COBLL1: variants seen among roughly 807,000 people sequenced by gnomAD.
The protein encoded by COBLL1 is cordon-bleu protein-like 1.
COBLL1 carries 50 observed loss-of-function variants against 94.8 expected under a neutral mutation model. The ratio of observed to expected loss-of-function variants is 0.53; its 90% confidence interval spans 0.42 to 0.67. The LOEUF (loss-of-function observed/expected upper bound fraction) is 0.67. Among genes scored for constraint, COBLL1 ranks in the 30% least tolerant of loss-of-function variants. The probability of loss-of-function intolerance (pLI) is 0.00; values close to 1 mark genes in which losing one functional copy is unlikely to be tolerated. For missense variants in COBLL1, 1,362 were observed against 1,348.7 expected (o/e 1.01, Z -0.15); for synonymous variants, 448 against 473.8 (o/e 0.95, Z 0.71).
chr2:164,715,764 T>C (rs1685131437), intron 7 of COBLL1, among the ~76,000 whole-genome samples: 2 of 151,524 alleles, frequency 1.3e-5, no homozygotes, highest in South Asian at 2.1e-4. Context: ...TTCTCAATAG[T>C]TGAGTGTTTG....
chr2:164,664,805 A>T (rs1167422010), intron 2 of COBLL1, among the ~76,000 whole-genome samples: 1 of 152,234 alleles, frequency 6.6e-6, no homozygotes, highest in Non-Finnish European at 1.5e-5. Flanking sequence ...TCTTAGTGAC[A>T]CAAAACCATG....
At chr2:164,840,601 C>T (rs1683545492) in intron 2 of COBLL1, 1 of 152,274 alleles carries the variant, frequency 6.6e-6, no homozygotes, top group Admixed American at 6.6e-5. Context: ...GGTTTTGGAA[C>T]CAGCAATTGG....
intron 2 of COBLL1, among the ~76,000 whole-genome samples, chr2:164,756,196 G>GT (rs2105601829): frequency 6.6e-6 from 1 of 152,200 alleles, no homozygotes; most frequent in Admixed American, 6.5e-5. Context: ...CACTTGCCAA[G>GT]TAACTTTTCC....
At chr2:164,714,870 A>G (rs1214243751) in intron 7 of COBLL1, among the ~76,000 whole-genome samples, 3 of 152,218 alleles carry the variant, frequency 2.0e-5, no homozygotes, top group Non-Finnish European at 2.9e-5. Flanking sequence ...TTAGAGAGGT[A>G]CGACTTTTTA....
intron 2 of COBLL1, among the ~76,000 whole-genome samples, chr2:164,665,516 A>T (rs1168049260): frequency 6.6e-6 from 1 of 152,080 alleles, no homozygotes; most frequent in Admixed American, 6.6e-5. Flanking sequence ...TTACTTCAAA[A>T]AGATTGAAAA....
intron 2 of COBLL1, among the ~76,000 whole-genome samples, chr2:164,818,669 A>ATATGTAAACATATATAGTGTATATGTACT (rs1684995299): frequency 1.4e-5 from 2 of 147,424 alleles, no homozygotes; most frequent in African/African-American, 2.6e-5. Flanking sequence ...GTATATGTAC[A>ATATGTAAACATATATAGTGTATATGTACT]TATGTAAACA....
chr2:164,693,562 G>A (rs1261623068), intron 12 of COBLL1, among the ~76,000 whole-genome samples: 1 of 152,018 alleles, frequency 6.6e-6, no homozygotes, highest in East Asian at 1.9e-4. Flanking sequence ...TCTATTATCT[G>A]AAGCTAGCAA....
At position 164,809,003 on chromosome 2, in the gene COBLL1, C is replaced by T. The variant is rs76750083; in HGVS notation, c.41+32153G>A. 8.4e-3 allele frequency among the ~76,000 whole-genome samples: 1,280 copies of T among 152,204 alleles called. 16 individuals are homozygous for T. The highest frequency in any genetic ancestry group is 0.029 in the African/African-American group (1,223 of 41,552). On this transcript the variant is annotated intron_variant, in intron 2 of 13. Coordinates refer to ENST00000652658, the MANE Select transcript of COBLL1 (RefSeq NM_001365672.2). The stretch of plus-strand genomic sequence containing the variant: ...ACGTTGGAAAGCAGCACTAGAGCAA[C>T]ACTTGGAATTCATTAATCACCAGAC...
chr2:164,687,448 A>G, intron 13 of COBLL1: 2 of 1,317,884 alleles, frequency 1.5e-6, no homozygotes, highest in Non-Finnish European at 2.2e-6. Flanking sequence ...GCAGCCAGAG[A>G]ACTTGAACTT....
At chr2:164,784,915 T>G (rs995295539) in intron 2 of COBLL1, among the ~76,000 whole-genome samples, 10 of 152,162 alleles carry the variant, frequency 6.6e-5, no homozygotes, top group African/African-American at 2.2e-4. Context: ...ACATAATTTC[T>G]AATGTGACCG....
intron 2 of COBLL1, among the ~76,000 whole-genome samples, chr2:164,820,519 C>G (rs1407026126): frequency 6.6e-6 from 1 of 152,166 alleles, no homozygotes; most frequent in African/African-American, 2.4e-5. Flanking sequence ...CCGCGCCAGG[C>G]CTGCTGTTAA....
chr2:164,831,527 C>A (rs937467251), intron 2 of COBLL1, among the ~76,000 whole-genome samples: 1 of 151,102 alleles, frequency 6.6e-6, no homozygotes, highest in African/African-American at 2.4e-5. Context: ...TCCTGAAGCA[C>A]AGAAAAAATA....
intron 2 of COBLL1, among the ~76,000 whole-genome samples, chr2:164,802,615 T>C (rs1339661333): frequency 6.6e-6 from 1 of 152,212 alleles, no homozygotes; most frequent in Non-Finnish European, 1.5e-5. Context: ...TTGGGTGATC[T>C]GATAAAGTTA....
intron 11 of COBLL1, 86 bp downstream of exon 11, chr2:164,699,319 T>C: frequency 1.2e-6 from 1 of 837,134 alleles, no homozygotes; most frequent in South Asian, 1.4e-5. Flanking sequence ...GGAGATTAAA[T>C]GAGTTAATAC....
At chr2:164,708,570 C>T (rs929087242) in intron 7 of COBLL1, among the ~76,000 whole-genome samples, 3 of 152,076 alleles carry the variant, frequency 2.0e-5, no homozygotes, top group African/African-American at 7.2e-5. Context: ...ATTTAGGAAA[C>T]ATCAGAAAAA....
chr2:164,723,681 ACTC>A (rs1441346747), intron 5 of COBLL1: 1 of 151,772 alleles, frequency 6.6e-6, no homozygotes, highest in Non-Finnish European at 1.5e-5. Context: ...AAAAAAAAAA[ACTC>A]TTTTTTCACC....
intron 2 of COBLL1, among the ~76,000 whole-genome samples, chr2:164,818,733 A>G (rs559745285): frequency 6.7e-6 from 1 of 148,904 alleles, no homozygotes; most frequent in South Asian, 2.1e-4. Context: ...ATATGTACTT[A>G]TGTAAACATA....
intron 2 of COBLL1, chr2:164,800,567 AAAAAG>A (rs1302878567): frequency 1.6e-5 from 11 of 702,046 alleles, no homozygotes; most frequent in African/African-American, 3.5e-5. Context: ...AGGCAGCATA[AAAAAG>A]AAATCAAAAT....
chr2:164,714,741 C>A (rs1165297103), intron 7 of COBLL1, among the ~76,000 whole-genome samples: 2 of 152,158 alleles, frequency 1.3e-5, no homozygotes, highest in African/African-American at 4.8e-5. Context: ...AAATGCAAAT[C>A]TTCCCATGAG....
Sources: gnomAD v4.1 joint callset for allele counts (sites outside exome capture counted in the v4.1 genomes callset) on GRCh38, gnomAD v4.1.1 for gene constraint, MANE v1.5 for transcripts, NCBI Gene and HGNC (gene_info 2026-07-23, HGNC 2026-07-21) for gene names.